SNTG1: variants seen among roughly 807,000 people sequenced by gnomAD.
SNTG1 encodes the protein gamma-1-syntrophin.
Under a neutral mutation model 74.7 loss-of-function variants are expected in SNTG1, and 39 were observed. That is an observed-to-expected ratio of 0.52 (90% confidence interval 0.40 to 0.68). The LOEUF (loss-of-function observed/expected upper bound fraction) is 0.68, where lower values mean the gene tolerates loss of function less well. Ranked by LOEUF, SNTG1 falls within the 30% of genes least tolerant of loss-of-function variation. The pLI is 0.00. For missense variants in SNTG1, 685 were observed against 609.5 expected (o/e 1.12, Z -1.30); for synonymous variants, 254 against 217.1 (o/e 1.17, Z -1.49).
intron 15 of SNTG1, among the ~76,000 whole-genome samples, chr8:50,666,216 T>A (rs2095250243): frequency 6.6e-6 from 1 of 152,136 alleles, no homozygotes; most frequent in Admixed American, 6.6e-5. Context: ...GTGAGACACA[T>A]TTCATATAAA....
At chr8:49,970,665 T>C (rs1056514064) in intron 1 of SNTG1, among the ~76,000 whole-genome samples, 2 of 152,208 alleles carry the variant, frequency 1.3e-5, no homozygotes, top group African/African-American at 4.8e-5. Context: ...ATAACTTACG[T>C]AGCTCTAATT....
intron 2 of SNTG1, among the ~76,000 whole-genome samples, chr8:50,246,377 T>G (rs1051293334): frequency 2.0e-5 from 3 of 152,110 alleles, no homozygotes; most frequent in Admixed American, 6.6e-5. Context: ...CCATCAAGTT[T>G]AACACACTTT....
chr8:50,311,582 C>T (rs2090116280), intron 2 of SNTG1, among the ~76,000 whole-genome samples: 1 of 152,150 alleles, frequency 6.6e-6, no homozygotes, highest in Non-Finnish European at 1.5e-5. Flanking sequence ...CATAATGTGA[C>T]TGAAAATATA....
intron 8 of SNTG1, 38 bp downstream of exon 8, chr8:50,450,767 T>C: frequency 1.2e-6 from 2 of 1,601,320 alleles, no homozygotes; most frequent in Non-Finnish European, 1.7e-6. Flanking sequence ...GTTTTCCCCA[T>C]GTGCAAATAA....
chr8:50,328,837 A>G (rs545753830), intron 2 of SNTG1, among the ~76,000 whole-genome samples: 1 of 152,334 alleles, frequency 6.6e-6, no homozygotes, highest in African/African-American at 2.4e-5. Context: ...GTCTTAACTT[A>G]TTTCATCATT....
chr8:50,783,720 G>A (rs939992829), intron 18 of SNTG1, among the ~76,000 whole-genome samples: 3 of 152,174 alleles, frequency 2.0e-5, no homozygotes, highest in Non-Finnish European at 4.4e-5. Context: ...TGCGCCCACT[G>A]TCTGGCACTC....
intron 9 of SNTG1, among the ~76,000 whole-genome samples, chr8:50,520,576 C>G (rs944371481): frequency 1.3e-5 from 2 of 152,006 alleles, no homozygotes; most frequent in Non-Finnish European, 2.9e-5. Flanking sequence ...AAATTTACAA[C>G]AAAAAGCAAA....
At chr8:50,390,880 T>G (rs562128968) in intron 2 of SNTG1, among the ~76,000 whole-genome samples, 3 of 152,300 alleles carry the variant, frequency 2.0e-5, no homozygotes, top group African/African-American at 7.2e-5. Flanking sequence ...TTGTCTGTTA[T>G]TGGTGTATAA....
intron 1 of SNTG1, among the ~76,000 whole-genome samples, chr8:49,929,389 G>A (rs1012006345): frequency 3.9e-5 from 6 of 152,184 alleles, no homozygotes; most frequent in African/African-American, 7.2e-5. Flanking sequence ...AGGCAAGCCC[G>A]CATCTATGTA....
chr8:50,180,793 T>C (rs2083176835), intron 2 of SNTG1, among the ~76,000 whole-genome samples: 2 of 144,044 alleles, frequency 1.4e-5, no homozygotes, highest in South Asian at 4.6e-4. Flanking sequence ...AAAGTTTTGC[T>C]CTTGTTGCCC....
intron 4 of SNTG1, among the ~76,000 whole-genome samples, chr8:50,430,796 G>A (rs1000817041): frequency 6.6e-6 from 1 of 152,142 alleles, no homozygotes; most frequent in Non-Finnish European, 1.5e-5. Context: ...AGAATGACAT[G>A]TTCTTACAAC....
rs1168159878 is a variant in SNTG1 at position 50,097,057 on chromosome 8, C to T, written c.-102-75504C>T. Among the ~76,000 whole-genome samples the T allele has an allele frequency of 3.3e-5, 5 of 151,954 alleles. No individual in the cohort carries two copies. The South Asian group carries it at 8.3e-4, about 25-fold the overall frequency. ...TGATCTCTGCTTACTGTAAGCTCCA[C>T]CTCCTGGGTTCACACCATTCTCCTG... On this transcript the variant is annotated intron_variant, in intron 1 of 18. Transcript: ENST00000642720.
intron 4 of SNTG1, among the ~76,000 whole-genome samples, chr8:50,425,304 T>A (rs61352858): frequency 0.077 from 11,706 of 152,168 alleles, 496 homozygotes; most frequent in Middle Eastern, 0.17. Flanking sequence ...GTGATCATGC[T>A]TTACGGTCTG....
intron 9 of SNTG1, among the ~76,000 whole-genome samples, chr8:50,523,614 G>A (rs1001799114): frequency 6.6e-6 from 1 of 152,162 alleles, no homozygotes. Context: ...TATTCATTAA[G>A]TTCCTTGCCT....
intron 17 of SNTG1, among the ~76,000 whole-genome samples, chr8:50,721,498 A>G (rs189216615): frequency 6.6e-6 from 1 of 152,330 alleles, no homozygotes; most frequent in Admixed American, 6.5e-5. Context: ...CATGCTATGA[A>G]TAAATTGCTT....
Position 50,704,724 on chromosome 8 carries a change from C to T in SNTG1, c.1163C>T (p.Ala388Val). The change falls in exon 16 of 19, where the codon GCA becomes GTA. Residue 388 changes from alanine (A) to valine (V), a missense_variant. Ala to Val is a moderately conservative substitution (Grantham distance 64). Transcript: ENST00000642720. The part of the protein sequence containing the change: ...LAQWERAFQT[A>V]TFLEVERIQC... ...CAGTGGGAAAGAGCCTTCCAGACAG[C>T]AACCTTTCTAGAAGTAGAACGGATA... 6.2e-7 allele frequency: 1 copy of T among 1,614,130 alleles called. No individual in the cohort carries two copies. The highest frequency in any genetic ancestry group is 1.1e-5 in the South Asian group (1 of 91,078).
At chr8:50,660,689 T>G (rs1236474320) in intron 15 of SNTG1, among the ~76,000 whole-genome samples, 2 of 152,314 alleles carry the variant, frequency 1.3e-5, no homozygotes, top group South Asian at 2.1e-4. Flanking sequence ...CTGCATGATC[T>G]TTTAAATCCT....
chr8:50,576,842 C>T (rs1208027535), intron 12 of SNTG1, among the ~76,000 whole-genome samples: 1 of 151,968 alleles, frequency 6.6e-6, no homozygotes, highest in African/African-American at 2.4e-5. Context: ...TTAATTATAA[C>T]AATTACTTTT....
rs1585914741 is a variant in SNTG1, at chr8:50,636,349, G to A, written c.850-20560G>A. On this transcript the variant is annotated intron_variant, in intron 13 of 18. Transcript: ENST00000642720. ...GGCTTTGAGCCCAGCAGAGCACCAG[G>A]ACTTGCCTAGAGTTACAGCTCTTGT... Among the ~76,000 whole-genome samples the A allele has an allele frequency of 1.8e-4, 27 of 152,032 alleles. No individual in the cohort carries two copies. The South Asian group carries it at 5.6e-3, about 32-fold the overall frequency.
Sources: gnomAD v4.1 joint callset for allele counts (sites outside exome capture counted in the v4.1 genomes callset) on GRCh38, gnomAD v4.1.1 for gene constraint, MANE v1.5 for transcripts, NCBI Gene and HGNC (gene_info 2026-07-23, HGNC 2026-07-21) for gene names.